MYLK4: variants seen among roughly 807,000 people sequenced by gnomAD.
MYLK4 encodes caMLCK like.
A neutral mutation model predicts 48.1 loss-of-function variants in MYLK4; 46 were observed. That is an observed-to-expected ratio of 0.96 (90% CI 0.75 to 1.22). The LOEUF is 1.22. Ranked by LOEUF, MYLK4 falls within the 50% of genes most tolerant of loss-of-function variation. The pLI is 0.00. For synonymous variants in MYLK4, 170 were observed against 180.8 expected, an observed-to-expected ratio of 0.94 and a Z score of 0.48; for missense variants, 451 against 486.1, an observed-to-expected ratio of 0.93 and a Z score of 0.68.
the MYLK4 span, among the ~76,000 whole-genome samples, chr6:2,762,948 C>T: frequency 2.0e-5 from 3 of 152,104 alleles, no homozygotes; most frequent in Admixed American, 6.5e-5. Flanking sequence ...CAATTCAGAC[C>T]CAAACACCAG....
At chr6:2,747,676 C>T (rs564088371) in intron 2 of MYLK4, among the ~76,000 whole-genome samples, 159 of 152,118 alleles carry the variant, frequency 1.0e-3, no homozygotes, top group African/African-American at 3.8e-3. Context: ...TAGAGTGTTG[C>T]CCATTTATAA....
chr6:2,673,912 T>C lies in MYLK4; in HGVS notation c.1119+1135A>G, dbSNP rs1361924213. On this transcript the variant is annotated intron_variant, in intron 11 of 12. Transcript: ENST00000274643. The surrounding 1 kb of genome is among the most constrained non-coding windows in gnomAD (Gnocchi z 4.2). ...ACATGGAGGTAAATTAAACATGAGATGGGGGCTCGAGGGAGAGGAAGGAAG... is the reference window on the plus strand; with the variant it reads ...ACATGGAGGTAAATTAAACATGAGACGGGGGCTCGAGGGAGAGGAAGGAAG... 6.6e-6 allele frequency among the ~76,000 whole-genome samples: 1 copy of C among 151,844 alleles called. No individual in the cohort carries two copies. Among genetic ancestry groups the C allele is most frequent in the Non-Finnish European group, 1.5e-5 (1 of 67,982 alleles).
At chr6:2,688,777 A>G (rs1209878104) in intron 4 of MYLK4, 74 bp downstream of exon 4, 8 of 1,165,762 alleles carry the variant, frequency 6.9e-6, no homozygotes, top group South Asian at 1.3e-5. Flanking sequence ...AGGTCAAGAC[A>G]GGCAGACATT....
chr6:2,746,139 C>A (rs960574857), intron 2 of MYLK4, among the ~76,000 whole-genome samples: 2 of 151,080 alleles, frequency 1.3e-5, no homozygotes, highest in Non-Finnish European at 2.9e-5. Flanking sequence ...TGGTTGCGTG[C>A]GCCTGTAATC....
chr6:2,758,727 A>G, the MYLK4 span, among the ~76,000 whole-genome samples: 1 of 152,178 alleles, frequency 6.6e-6, no homozygotes, highest in East Asian at 1.9e-4. Context: ...GAATGTATTC[A>G]TACTGTTTGT....
rs1760683516 is a variant in MYLK4 at position 2,667,038 on chromosome 6, C to T, written c.*887G>A. ...ATGTTGAAAGCTCAGTGCTATCTTGCTCCAGGAGGTGCAGATCCGTCTCTT... is the reference window on the plus strand; with the variant it reads ...ATGTTGAAAGCTCAGTGCTATCTTGTTCCAGGAGGTGCAGATCCGTCTCTT... On this transcript the variant is annotated 3_prime_UTR_variant, in exon 13 of 13. Coordinates refer to ENST00000274643, the MANE Select transcript of MYLK4 (RefSeq NM_001012418.5). 6.6e-6 allele frequency: 1 copy of T among 151,658 alleles called. No homozygotes were observed. Among genetic ancestry groups the T allele is most frequent in the African/African-American group, 2.4e-5 (1 of 41,108 alleles). 9.4% of individuals were successfully genotyped at this position (151,658 alleles called of 1,614,324 possible). A position where few individuals can be genotyped will look rare whatever the true frequency, so the allele number is the denominator to read the frequency against.
At chr6:2,698,847 A>T (rs938584544) in intron 2 of MYLK4, among the ~76,000 whole-genome samples, 6 of 152,358 alleles carry the variant, frequency 3.9e-5, no homozygotes, top group African/African-American at 1.4e-4. Context: ...GTCCTGGGTG[A>T]TAAAAGGAAT....
chr6:2,694,578 C>CTGCTGG lies in MYLK4; in HGVS notation c.160-1720_160-1719insCCAGCA, dbSNP rs1286503642. On this transcript the variant is annotated intron_variant, in intron 2 of 12. Transcript: ENST00000274643. ...AGTCGTGGTGGTAGTGGTAGTGCTG[C>CTGCTGG]TGGTGGTGGTGGTGGTGGTGGTGGT... Among the ~76,000 whole-genome samples the CTGCTGG allele has an allele frequency of 2.0e-3, 94 of 46,216 alleles. 1 individual carries two copies. The highest frequency in any genetic ancestry group is 0.017 in the Admixed American group (76 of 4,448). The allele number at this position is 46,216 out of a possible 152,430, so 30.3% of individuals were successfully genotyped here.
At position 2,679,283 on chromosome 6, in the gene MYLK4, A is replaced by T; in HGVS notation, c.884T>A (p.Met295Lys). The change falls in exon 9 of 13, where the codon ATG (methionine) becomes AAG (lysine). Residue 295 changes from methionine (M) to lysine (K), a missense_variant. Physicochemically the swap from Met to Lys is moderately conservative, Grantham distance 95 (BLOSUM62 -1). Coordinates refer to ENST00000274643, the MANE Select transcript of MYLK4 (RefSeq NM_001012418.5). ...GAGACAGAGGAGAGCTACTCACAGC[A>T]TATAGGCGATGACCCCCACACTCCA... ...DMWSVGVIAY[M>K]LLSGLSPFLG... The T allele has an allele frequency of 6.2e-7, 1 of 1,614,176 alleles. No homozygotes were observed. The highest frequency in any genetic ancestry group is 8.5e-7 in the Non-Finnish European group (1 of 1,180,018).
upstream of MYLK4, among the ~76,000 whole-genome samples, chr6:2,751,995 A>T (rs1248200628): frequency 6.6e-6 from 1 of 152,224 alleles, no homozygotes; most frequent in Non-Finnish European, 1.5e-5. Context: ...TTTTGTTAGT[A>T]TAATTAAATT....
upstream of MYLK4, among the ~76,000 whole-genome samples, chr6:2,755,408 T>C (rs1764405612): frequency 6.6e-6 from 1 of 152,192 alleles, no homozygotes. Flanking sequence ...CCTATATGAA[T>C]TGGTGTATGT....
intron 2 of MYLK4, among the ~76,000 whole-genome samples, chr6:2,718,605 G>C (rs1762953433): frequency 6.6e-6 from 1 of 152,168 alleles, no homozygotes; most frequent in South Asian, 2.1e-4. Context: ...CAGAGACATT[G>C]GCTATAAACC....
chr6:2,758,432 T>C, the MYLK4 span, among the ~76,000 whole-genome samples: 1 of 151,568 alleles, frequency 6.6e-6, no homozygotes, highest in African/African-American at 2.4e-5. Context: ...ACATATAATA[T>C]GTAAGATATA....
chr6:2,688,161 C>T (rs111488370), intron 4 of MYLK4, among the ~76,000 whole-genome samples: 2,772 of 151,980 alleles, frequency 0.018, 74 homozygotes, highest in African/African-American at 0.064. Context: ...CTGGTTCAAG[C>T]GATTCTCCTG....
intron 3 of MYLK4, among the ~76,000 whole-genome samples, chr6:2,690,853 C>A (rs1028032248): frequency 3.1e-5 from 3 of 95,434 alleles, no homozygotes; most frequent in Non-Finnish European, 6.2e-5. Context: ...TTTTTGAGAC[C>A]GAGTCTCGCT....
At chr6:2,686,303 C>T (rs1417286006) in intron 4 of MYLK4, among the ~76,000 whole-genome samples, 1 of 152,184 alleles carries the variant, frequency 6.6e-6, no homozygotes, top group Non-Finnish European at 1.5e-5. Flanking sequence ...AGCATATGAA[C>T]AAGAGAGCCC....
In MYLK4 at chr6:2,728,419, AC is replaced by A. The variant is rs199849822; in HGVS notation, c.159+20716del. ...TGTCTGAAGAGTTTTATTAAAAAAA[AC>A]AAAACAGTCTGATGATGCCCAGCCC... On this transcript the variant is annotated intron_variant, in intron 2 of 12. Transcript: ENST00000274643. Among the ~76,000 whole-genome samples, 1,085 of 151,688 alleles carry A rather than the reference AC, an allele frequency of 7.2e-3. 3 individuals carry two copies. Among genetic ancestry groups the A allele is most frequent in the South Asian group, 0.014 (67 of 4,806 alleles).
At chr6:2,717,454 C>A (rs1197021099) in intron 2 of MYLK4, among the ~76,000 whole-genome samples, 2 of 152,184 alleles carry the variant, frequency 1.3e-5, no homozygotes, top group Non-Finnish European at 2.9e-5. Context: ...GGCCAGGGAA[C>A]GTACAATATG....
Position 2,713,307 on chromosome 6 carries a change from T to C in MYLK4, c.160-20448A>G, listed in dbSNP as rs532523103. ...ATCGCTTGAACCCAGGAGGCAGAGATTGCCGTGAGCCAAGATCGATCGCAT... is the reference window on the plus strand; with the variant it reads ...ATCGCTTGAACCCAGGAGGCAGAGACTGCCGTGAGCCAAGATCGATCGCAT... On this transcript the variant is annotated intron_variant, in intron 2 of 12. Transcript: ENST00000274643. Among the ~76,000 whole-genome samples the C allele has an allele frequency of 3.3e-5, 5 of 151,806 alleles. No individual in the cohort carries two copies. The South Asian group carries it at 6.3e-4, about 19-fold the overall frequency.
Sources: allele counts gnomAD v4.1 joint callset (sites outside exome capture counted in the v4.1 genomes callset), GRCh38; gene constraint gnomAD v4.1.1; non-coding constraint Gnocchi (gnomAD v3.1); transcripts MANE v1.5; gene names NCBI Gene and HGNC (gene_info 2026-07-23, HGNC 2026-07-21).